The following LYPLAL1 variants were observed in gnomAD, a reference collection of about 807,000 sequenced individuals.
LYPLAL1 encodes lysophospholipase-like protein 1.
Under a neutral mutation model 19.7 loss-of-function variants are expected in LYPLAL1, and 23 were observed. The ratio of observed to expected loss-of-function variants is 1.17; its 90% CI spans 0.84 to 1.65. LYPLAL1 has a LOEUF of 1.65. LYPLAL1 is among the 40% of genes most tolerant of loss of function. The probability of loss-of-function intolerance (pLI) is 0.00; values close to 1 mark genes in which losing one functional copy is unlikely to be tolerated. For synonymous variants in LYPLAL1, 119 were observed against 96.3 expected (o/e 1.24, Z -1.38); for missense variants, 355 against 279.4 (o/e 1.27, Z -1.93).
chr1:219,258,219 A>C, the LYPLAL1 span, among the ~76,000 whole-genome samples: 1 of 152,220 alleles, frequency 6.6e-6, no homozygotes, highest in East Asian at 1.9e-4. Flanking sequence ...TCAAACGCAC[A>C]TTTTACAATC....
the LYPLAL1 span, among the ~76,000 whole-genome samples, chr1:219,339,334 C>A: frequency 1.3e-5 from 2 of 151,950 alleles, no homozygotes; most frequent in African/African-American, 4.8e-5. Context: ...GTGTGCAATG[C>A]AGATGAGTGT....
chr1:219,250,841 A>G, the LYPLAL1 span, among the ~76,000 whole-genome samples: 1 of 152,010 alleles, frequency 6.6e-6, no homozygotes, highest in Non-Finnish European at 1.5e-5. Context: ...TGCTGGGTAA[A>G]ATGTTAGTTC....
the LYPLAL1 span, among the ~76,000 whole-genome samples, chr1:219,300,341 CT>C: frequency 6.6e-6 from 1 of 151,874 alleles, no homozygotes; most frequent in Admixed American, 6.6e-5. Context: ...AAATTATTAT[CT>C]TTTGGGGCAT....
the LYPLAL1 span, among the ~76,000 whole-genome samples, chr1:219,316,791 C>T: frequency 1.3e-5 from 2 of 151,968 alleles, no homozygotes; most frequent in Non-Finnish European, 2.9e-5. Context: ...ATAAGCCAGT[C>T]GCAAAAAGGC....
chr1:219,209,236 T>C (rs1325021960), intron 3 of LYPLAL1, among the ~76,000 whole-genome samples: 3 of 152,152 alleles, frequency 2.0e-5, no homozygotes, highest in Non-Finnish European at 4.4e-5. Context: ...ATTCATTATT[T>C]ACATAGTGTG....
the LYPLAL1 span, among the ~76,000 whole-genome samples, chr1:219,293,138 A>G: frequency 6.6e-6 from 1 of 152,174 alleles, no homozygotes; most frequent in African/African-American, 2.4e-5. Flanking sequence ...CTGGGATGGG[A>G]TAGCTTGCAG....
chr1:219,342,535 G>T, the LYPLAL1 span, among the ~76,000 whole-genome samples: 1 of 152,078 alleles, frequency 6.6e-6, no homozygotes, highest in Non-Finnish European at 1.5e-5. Context: ...CAGGAGTCTC[G>T]TGGTTTCCGC....
the LYPLAL1 span, among the ~76,000 whole-genome samples, chr1:219,292,668 G>A: frequency 6.6e-6 from 1 of 152,164 alleles, no homozygotes; most frequent in Non-Finnish European, 1.5e-5. Flanking sequence ...TTCATCTTTA[G>A]GATATTCACT....
intron 4 of LYPLAL1, among the ~76,000 whole-genome samples, 177 bp from the exon 5 acceptor site, chr1:219,211,315 T>C (rs1456896919): frequency 6.6e-6 from 1 of 152,102 alleles, no homozygotes; most frequent in African/African-American, 2.4e-5. Context: ...AGGAACCAGC[T>C]AAGTCCCCAG....
chr1:219,410,817 C>T, the LYPLAL1 span, among the ~76,000 whole-genome samples: 2 of 152,244 alleles, frequency 1.3e-5, no homozygotes, highest in Non-Finnish European at 2.9e-5. Flanking sequence ...GGAGGGTGTA[C>T]TGAGTCCCCC....
rs150349740 is a variant in LYPLAL1, at chr1:219,176,015, G to A, written c.91+2034G>A. 7.6e-3 allele frequency among the ~76,000 whole-genome samples: 1,155 copies of A among 152,202 alleles called. 4 individuals carry two copies. Among genetic ancestry groups the A allele is most frequent in the South Asian group, 0.023 (110 of 4,822 alleles). ...TTTTGCAGCTGCATTCTTACTCTTC[G>A]AGGCTGAAAAAATGTTGTTAAAGAC... is the stretch of plus-strand genomic sequence containing the variant. On this transcript the variant is annotated intron_variant, in intron 1 of 4. Coordinates refer to ENST00000366928, the MANE Select transcript of LYPLAL1 (RefSeq NM_138794.5).
the LYPLAL1 span, among the ~76,000 whole-genome samples, chr1:219,386,308 G>T: frequency 2.6e-5 from 4 of 152,148 alleles, no homozygotes; most frequent in East Asian, 7.7e-4. Flanking sequence ...TGCATTAAGA[G>T]AAAGTGAACC....
chr1:219,305,023 A>G, the LYPLAL1 span, among the ~76,000 whole-genome samples: 1 of 152,198 alleles, frequency 6.6e-6, no homozygotes, highest in African/African-American at 2.4e-5. Flanking sequence ...ACGTCAGCCA[A>G]AGAGTTCCCA....
At chr1:219,305,845 A>G in the LYPLAL1 span, among the ~76,000 whole-genome samples, 1 of 152,204 alleles carries the variant, frequency 6.6e-6, no homozygotes, top group Non-Finnish European at 1.5e-5. Flanking sequence ...CTTTCTTCCA[A>G]CACCACCAGC....
At chr1:219,243,110 G>C in the LYPLAL1 span, among the ~76,000 whole-genome samples, 2 of 152,168 alleles carry the variant, frequency 1.3e-5, no homozygotes, top group South Asian at 4.1e-4. Flanking sequence ...GTGTCTCTAG[G>C]TCACTCTACA....
chr1:219,313,965 T>G, the LYPLAL1 span, among the ~76,000 whole-genome samples: 6 of 152,226 alleles, frequency 3.9e-5, no homozygotes, highest in Non-Finnish European at 7.3e-5. Flanking sequence ...TCTTTTTATC[T>G]TCACACTCTT....
the LYPLAL1 span, among the ~76,000 whole-genome samples, chr1:219,268,848 C>G: frequency 6.6e-6 from 1 of 152,232 alleles, no homozygotes; most frequent in Admixed American, 6.5e-5. Flanking sequence ...GTGTAAGGTG[C>G]TTGCTAAGTT....
the LYPLAL1 span, among the ~76,000 whole-genome samples, chr1:219,409,078 T>G: frequency 6.6e-6 from 1 of 151,924 alleles, no homozygotes. Context: ...ATAAAAGAGG[T>G]AAAAGCCTGA....
chr1:219,387,059 T>C, the LYPLAL1 span, among the ~76,000 whole-genome samples: 1 of 152,186 alleles, frequency 6.6e-6, no homozygotes, highest in African/African-American at 2.4e-5. Context: ...CCATATTCTT[T>C]TTATGGTCTC....
Sources: gnomAD v4.1 joint callset for allele counts (sites outside exome capture counted in the v4.1 genomes callset) on GRCh38, gnomAD v4.1.1 for gene constraint, MANE v1.5 for transcripts, NCBI Gene and HGNC (gene_info 2026-07-23, HGNC 2026-07-21) for gene names.